Variants in LMBRD1 observed in about 807,000 individuals in gnomAD.
LMBRD1 encodes the protein lysosomal cobalamin transport escort protein LMBD1.
In LMBRD1, 64 loss-of-function variants were observed where a neutral mutation model predicts 74.8. The observed-to-expected ratio is 0.86, with a 90% CI of 0.70 to 1.05. The LOEUF is 1.05. Among genes scored for constraint, LMBRD1 ranks in the 50% least tolerant of loss-of-function variants. The pLI is 0.00. For missense variants in LMBRD1, 652 were observed against 645.9 expected, an observed-to-expected ratio of 1.01 and a Z score of -0.10; for synonymous variants, 204 against 216.3, an observed-to-expected ratio of 0.94 and a Z score of 0.50.
chr6:69,700,691 T>G, intron 12 of LMBRD1, 74 bp downstream of exon 12: 1 of 1,042,516 alleles, frequency 9.6e-7, no homozygotes, highest in Non-Finnish European at 1.3e-6. Flanking sequence ...ATATTCTAAA[T>G]CTAAGATAAT....
chr6:69,690,058 T>C (rs978921951), intron 14 of LMBRD1, among the ~76,000 whole-genome samples: 2 of 74,088 alleles, frequency 2.7e-5, no homozygotes, highest in African/African-American at 6.3e-5. Flanking sequence ...CACTCATTCA[T>C]TCATTTTTTT....
intron 8 of LMBRD1, among the ~76,000 whole-genome samples, chr6:69,717,829 T>G (rs748125841): frequency 1.3e-5 from 2 of 152,082 alleles, no homozygotes; most frequent in Non-Finnish European, 2.9e-5. Context: ...TCCCAAGTAG[T>G]TGGGACTATA....
chr6:69,789,932 C>CA (rs759163096), intron 2 of LMBRD1, among the ~76,000 whole-genome samples: 8 of 152,224 alleles, frequency 5.3e-5, no homozygotes, highest in Non-Finnish European at 8.8e-5. Flanking sequence ...CATACTGACT[C>CA]AAAGTACTCA....
intron 3 of LMBRD1, among the ~76,000 whole-genome samples, chr6:69,769,983 T>G (rs1267377727): frequency 6.6e-6 from 1 of 152,164 alleles, no homozygotes; most frequent in Non-Finnish European, 1.5e-5. Context: ...CCCCTGGCTT[T>G]TCCTTTCTGG....
Position 69,676,440 on chromosome 6 carries a change from C to A in LMBRD1, c.1509+10G>T, listed in dbSNP as rs1440233757. The A allele has an allele frequency of 5.6e-6, 9 of 1,608,376 alleles. No homozygotes were observed. In the Admixed American group the frequency reaches 1.3e-4, roughly 24 times the overall value. Reference sequence around the variant, plus strand: ...GAAGGTCAAATCACGCGTGGGATATCTGCACTTACCCCAAGAAAGGCCCAG... The same window carrying A: ...GAAGGTCAAATCACGCGTGGGATATATGCACTTACCCCAAGAAAGGCCCAG... On this transcript the variant is annotated intron_variant, in intron 15 of 15. Coordinates refer to ENST00000649934, the MANE Select transcript of LMBRD1 (RefSeq NM_018368.4).
chr6:69,783,005 A>G (rs1407533952), intron 2 of LMBRD1, among the ~76,000 whole-genome samples: 2 of 152,214 alleles, frequency 1.3e-5, no homozygotes, highest in Non-Finnish European at 2.9e-5. Context: ...ATAGAATAAC[A>G]TGTTGACATT....
rs74657755 is a variant in LMBRD1 at position 69,674,354 on chromosome 6, T to C, written c.*1804A>G. Reference sequence around the variant, plus strand: ...TTGTAAGGGGACACAATTCAGCCTATAACATAGAAAGTGGAGAAGAAGGGA... The same window carrying C: ...TTGTAAGGGGACACAATTCAGCCTACAACATAGAAAGTGGAGAAGAAGGGA... On this transcript the variant is annotated 3_prime_UTR_variant, in exon 16 of 16. Transcript: ENST00000649934. 0.055 allele frequency among the ~76,000 whole-genome samples: 8,435 copies of C among 152,206 alleles called. 355 individuals carry two copies. The highest frequency in any genetic ancestry group is 0.2 in the Middle Eastern group (59 of 294).
At chr6:69,756,161 G>A (rs547735156) in intron 3 of LMBRD1, among the ~76,000 whole-genome samples, 17 of 152,218 alleles carry the variant, frequency 1.1e-4, no homozygotes, top group African/African-American at 3.6e-4. Flanking sequence ...AGGAGTTCCA[G>A]GCCAGCCTGG....
At chr6:69,682,610 A>C (rs1013693137) in intron 14 of LMBRD1, among the ~76,000 whole-genome samples, 2 of 152,030 alleles carry the variant, frequency 1.3e-5, no homozygotes, top group African/African-American at 2.4e-5. Context: ...AATCTGTATA[A>C]GTGAACTCTA....
At chr6:69,709,526 T>C (rs1334802223) in intron 9 of LMBRD1, among the ~76,000 whole-genome samples, 3 of 152,120 alleles carry the variant, frequency 2.0e-5, no homozygotes, top group Non-Finnish European at 4.4e-5. Flanking sequence ...ACACATTTAC[T>C]AACAAAAAGA....
intron 14 of LMBRD1, among the ~76,000 whole-genome samples, chr6:69,687,125 T>G (rs796928801): frequency 3.3e-5 from 5 of 152,298 alleles, no homozygotes; most frequent in African/African-American, 9.6e-5. Context: ...TCCTTAAAAT[T>G]ATCTGCTTGC....
In LMBRD1 at chr6:69,674,334, AGGGG is replaced by A. The variant is rs1357699769; in HGVS notation, c.*1820_*1823del. Among the ~76,000 whole-genome samples, 1 of 152,210 alleles carries A rather than the reference AGGGG, an allele frequency of 6.6e-6. No homozygotes were observed. The highest frequency in any genetic ancestry group is 1.5e-5 in the Non-Finnish European group (1 of 68,040). On this transcript the variant is annotated 3_prime_UTR_variant, in exon 16 of 16. Transcript: ENST00000649934. ...ACAAGATTTCAACATATGAATTGTA[AGGGG>A]ACACAATTCAGCCTATAACATAGAA...
intron 1 of LMBRD1, chr6:69,790,794 C>T: frequency 2.9e-6 from 1 of 350,298 alleles, no homozygotes; most frequent in Non-Finnish European, 5.5e-6. Context: ...ATTTTTTTCC[C>T]TGTAGATTTT....
intron 6 of LMBRD1, among the ~76,000 whole-genome samples, chr6:69,738,431 CTT>C (rs1387353507): frequency 3.3e-5 from 5 of 152,080 alleles, no homozygotes; most frequent in Non-Finnish European, 5.9e-5. Context: ...TCCCCTCAGT[CTT>C]GAGACTTCCA....
intron 3 of LMBRD1, among the ~76,000 whole-genome samples, chr6:69,777,723 T>C (rs965702946): frequency 2.0e-5 from 3 of 151,802 alleles, no homozygotes; most frequent in African/African-American, 7.2e-5. Context: ...GAAAACTAGA[T>C]AAGATTTTGA....
At chr6:69,782,836 C>A (rs959693687) in intron 2 of LMBRD1, among the ~76,000 whole-genome samples, 7 of 152,144 alleles carry the variant, frequency 4.6e-5, no homozygotes, top group East Asian at 1.9e-4. Flanking sequence ...AAATTAGACC[C>A]TGTACTAATT....
At chr6:69,725,994 T>G (rs1053387402) in intron 7 of LMBRD1, among the ~76,000 whole-genome samples, 2 of 151,946 alleles carry the variant, frequency 1.3e-5, no homozygotes, top group Non-Finnish European at 2.9e-5. Context: ...ATATGACAAG[T>G]GATTAATAAC....
chr6:69,681,625 A>G (rs202002272), intron 14 of LMBRD1, among the ~76,000 whole-genome samples: 3 of 113,454 alleles, frequency 2.6e-5, no homozygotes, highest in Non-Finnish European at 3.7e-5. Flanking sequence ...TTTTACGTGT[A>G]TATATATAGA....
intron 11 of LMBRD1, 101 bp from the exon 12 acceptor site, chr6:69,700,970 G>GTTTA (rs893899404): frequency 6.1e-6 from 5 of 817,932 alleles, no homozygotes; most frequent in Non-Finnish European, 8.8e-6. Context: ...TCCGGCAAAT[G>GTTTA]TTTACAGTAT....
Sources: allele counts gnomAD v4.1 joint callset (sites outside exome capture counted in the v4.1 genomes callset), GRCh38; gene constraint gnomAD v4.1.1; transcripts MANE v1.5; gene names NCBI Gene and HGNC (gene_info 2026-07-23, HGNC 2026-07-21).